The following PTPN14 variants were observed in gnomAD, a reference collection of about 807,000 sequenced individuals.
PTPN14 encodes the protein tyrosine-protein phosphatase non-receptor type 14.
Under a neutral mutation model 126.8 loss-of-function variants are expected in PTPN14, and 53 were observed. The observed-to-expected ratio is 0.42, with a 90% CI of 0.34 to 0.53. The LOEUF (loss-of-function observed/expected upper bound fraction) is 0.53. Ranked by LOEUF, PTPN14 falls within the 20% of genes least tolerant of loss-of-function variation. PTPN14 has a pLI of 0.08. For missense variants in PTPN14, 1,257 were observed against 1,552.9 expected, an observed-to-expected ratio of 0.81 and a Z score of 3.20; for synonymous variants, 630 against 599.3, an observed-to-expected ratio of 1.05 and a Z score of -0.75.
intron 3 of PTPN14, among the ~76,000 whole-genome samples, chr1:214,425,561 T>C (rs937606331): frequency 6.6e-6 from 1 of 152,188 alleles, no homozygotes; most frequent in Non-Finnish European, 1.5e-5. Context: ...TTACTATGCA[T>C]TCACATTAAA....
intron 1 of PTPN14, among the ~76,000 whole-genome samples, chr1:214,484,091 A>G (rs1661060479): frequency 6.6e-6 from 1 of 152,244 alleles, no homozygotes; most frequent in Admixed American, 6.5e-5. Context: ...TGGCATGGTT[A>G]TTTTAATCCA....
chr1:214,441,605 T>C (rs1166971698), intron 3 of PTPN14, among the ~76,000 whole-genome samples: 1 of 152,220 alleles, frequency 6.6e-6, no homozygotes, highest in Non-Finnish European at 1.5e-5. Flanking sequence ...ATTTTTGAAA[T>C]TGACACACCA....
intron 1 of PTPN14, chr1:214,533,244 G>A (rs545215647): frequency 5.1e-5 from 33 of 641,650 alleles, no homozygotes; most frequent in Admixed American, 4.0e-4. Flanking sequence ...AGGAAGAGGC[G>A]CAACACCAAG....
chr1:214,368,196 TTTTA>T (rs142403379), intron 17 of PTPN14, among the ~76,000 whole-genome samples: 16 of 146,236 alleles, frequency 1.1e-4, no homozygotes, highest in African/African-American at 2.3e-4. Context: ...TGTTATTCGT[TTTTA>T]TTTATTTATT....
At chr1:214,535,790 A>AG (rs1655690037) in intron 1 of PTPN14, among the ~76,000 whole-genome samples, 1 of 151,578 alleles carries the variant, frequency 6.6e-6, no homozygotes, top group African/African-American at 2.4e-5. Flanking sequence ...AAAAAAAAAA[A>AG]AAGGATTTGC....
chr1:214,526,430 C>T (rs1315389455), intron 1 of PTPN14, among the ~76,000 whole-genome samples: 1 of 151,932 alleles, frequency 6.6e-6, no homozygotes, highest in Non-Finnish European at 1.5e-5. Flanking sequence ...AGGAAAAATG[C>T]CATTTGAATA....
chr1:214,375,305 C>T (rs1285308557), intron 15 of PTPN14, among the ~76,000 whole-genome samples: 2 of 152,150 alleles, frequency 1.3e-5, no homozygotes, highest in Non-Finnish European at 2.9e-5. Flanking sequence ...GTTGAAAAGT[C>T]CAATGAGGAA....
chr1:214,382,920 G>T (rs1190597217), intron 13 of PTPN14, among the ~76,000 whole-genome samples: 1 of 152,186 alleles, frequency 6.6e-6, no homozygotes, highest in Non-Finnish European at 1.5e-5. Context: ...TACAGAAGGC[G>T]GTATAGGGAT....
chr1:214,455,180 T>C (rs1660355990), intron 2 of PTPN14, among the ~76,000 whole-genome samples: 1 of 152,208 alleles, frequency 6.6e-6, no homozygotes, highest in African/African-American at 2.4e-5. Flanking sequence ...ACCAATCAAC[T>C]TCCTGTGTAT....
rs760189624 is a variant in PTPN14 at position 214,384,134 on chromosome 1, C to T, written c.1721G>A (p.Arg574Gln). ...FRPPPPYPRP[R>Q]PATSTPDLAS... is the part of the protein sequence containing the mutation. ...CAGGTCTGGGGTGCTGGTGGCAGGT[C>T]GTGGCCGTGGGTAGGGGGGCGGTGG... Residue 574 changes from arginine (R) to glutamine (Q), a missense_variant, in exon 13 of 19, where the codon CGA (arginine) becomes CAA (glutamine). By Grantham distance (43) the Arg-to-Gln change is conservative. This residue lies in a region of PTPN14 where 1,021 missense variants were observed against 1,183.3 expected (regional missense o/e 0.86). Coordinates refer to ENST00000366956, the MANE Select transcript of PTPN14 (RefSeq NM_005401.5). This position sits in a 1 kb window ranked among gnomAD's most constrained non-coding sequence, Gnocchi z 5.3. 8 of 1,574,078 alleles carry T rather than the reference C, an allele frequency of 5.1e-6. No homozygotes were observed. The highest frequency in any genetic ancestry group is 1.2e-5 in the South Asian group (1 of 85,100).
chr1:214,532,394 G>A (rs1655574848), intron 1 of PTPN14: 1 of 664,998 alleles, frequency 1.5e-6, no homozygotes, highest in Non-Finnish European at 2.7e-6. Context: ...CTGGGGGCCT[G>A]GCAGGAATAG....
chr1:214,517,084 C>A (rs962949337), intron 1 of PTPN14, among the ~76,000 whole-genome samples: 1 of 152,176 alleles, frequency 6.6e-6, no homozygotes, highest in Non-Finnish European at 1.5e-5. Context: ...AAGGCTGTCA[C>A]CTGTCATCCA....
intron 5 of PTPN14, among the ~76,000 whole-genome samples, chr1:214,405,242 C>T (rs990817885): frequency 6.6e-6 from 1 of 152,164 alleles, no homozygotes; most frequent in African/African-American, 2.4e-5. Context: ...TAAGCATTTT[C>T]GCCTTTTGAA....
chr1:214,393,668 G>A (rs535833261), intron 10 of PTPN14, 27 bp downstream of exon 10: 3 of 1,408,874 alleles, frequency 2.1e-6, no homozygotes, highest in African/African-American at 5.8e-5. Flanking sequence ...AAGCCATCAA[G>A]TCGGGGGGGA....
At chr1:214,436,327 T>C (rs1659914789) in intron 3 of PTPN14, among the ~76,000 whole-genome samples, 1 of 152,114 alleles carries the variant, frequency 6.6e-6, no homozygotes. Flanking sequence ...AAATAATCTG[T>C]ACACTAAACT....
At chr1:214,368,130 T>C (rs1052760700) in intron 17 of PTPN14, among the ~76,000 whole-genome samples, 3 of 152,192 alleles carry the variant, frequency 2.0e-5, no homozygotes, top group Non-Finnish European at 4.4e-5. Flanking sequence ...GATGCTCAAC[T>C]GTAGGGAAAT....
chr1:214,384,370 G>T lies in PTPN14; in HGVS notation c.1485C>A (p.Pro495=). Residue 495 remains proline (P), a synonymous_variant, in exon 13 of 19, where the codon CCC becomes CCA. Transcript: ENST00000366956. This position sits in a 1 kb window ranked among gnomAD's most constrained non-coding sequence, Gnocchi z 5.3. The part of the protein sequence containing the change: ...YSQPEMRERH[P]YTVPYGPQGV... ...CCTGTGGCCCATAAGGGACAGTGTA[G>T]GGGTGCCTCTCCCGCATCTCCGGTT... 1 of 1,614,158 alleles carries T rather than the reference G, an allele frequency of 6.2e-7. No individual in the cohort carries two copies. Among genetic ancestry groups the T allele is most frequent in the Non-Finnish European group, 8.5e-7 (1 of 1,180,030 alleles).
intron 1 of PTPN14, among the ~76,000 whole-genome samples, chr1:214,497,959 T>C (rs755307300): frequency 1.3e-5 from 2 of 152,042 alleles, no homozygotes; most frequent in South Asian, 4.1e-4. Flanking sequence ...ACAAAAGAAA[T>C]GATGGCCATG....
chr1:214,499,052 AC>A (rs769357609), intron 1 of PTPN14, among the ~76,000 whole-genome samples: 2 of 151,820 alleles, frequency 1.3e-5, no homozygotes, highest in Non-Finnish European at 2.9e-5. Flanking sequence ...CCATCCTCCC[AC>A]CTCTGCCTCC....
Sources: gnomAD v4.1 joint callset for allele counts (sites outside exome capture counted in the v4.1 genomes callset) on GRCh38, gnomAD v4.1.1 for gene constraint, gnomAD v4.1.1 regional missense constraint, Gnocchi (gnomAD v3.1) non-coding constraint, MANE v1.5 for transcripts, NCBI Gene and HGNC (gene_info 2026-07-23, HGNC 2026-07-21) for gene names.